RAD50: variants seen among roughly 807,000 people sequenced by gnomAD.
RAD50 encodes DNA repair protein RAD50.
Under a neutral mutation model 168.8 loss-of-function variants are expected in RAD50, and 132 were observed. The ratio of observed to expected loss-of-function variants is 0.78; its 90% CI spans 0.68 to 0.90. The LOEUF (loss-of-function observed/expected upper bound fraction) is 0.90. Among genes scored for constraint, RAD50 ranks in the 40% least tolerant of loss-of-function variants. The pLI is 0.00. For missense variants in RAD50, 1,347 were observed against 1,534.4 expected (o/e 0.88, Z 2.04); for synonymous variants, 525 against 497.4 (o/e 1.06, Z -0.74).
chr5:132,584,537 C>T (rs557675121), intron 5 of RAD50, among the ~76,000 whole-genome samples: 1 of 152,170 alleles, frequency 6.6e-6, no homozygotes, highest in South Asian at 2.1e-4. Flanking sequence ...GTCAGTGTGG[C>T]GATTCCTCAA....
chr5:132,571,912 T>C (rs892420782), intron 2 of RAD50, among the ~76,000 whole-genome samples: 3 of 152,318 alleles, frequency 2.0e-5, no homozygotes, highest in Admixed American at 1.3e-4. Context: ...AATAATGGTC[T>C]GTACTTTTCA....
rs113856355 is a variant in RAD50 at position 132,574,716 on chromosome 5, C to T, written c.214-1061C>T. ...ATCCCTTTAACAGCACCCAAGTCAC[C>T]GCTTGAATGCTTTACTGCTTAGAAA... is the stretch of plus-strand genomic sequence containing the variant. On this transcript the variant is annotated intron_variant, in intron 2 of 24. Transcript: ENST00000378823. 3.6e-3 allele frequency among the ~76,000 whole-genome samples: 551 copies of T among 152,148 alleles called. 5 individuals are homozygous for T. The highest frequency in any genetic ancestry group is 6.9e-3 in the African/African-American group (285 of 41,530).
Position 132,645,352 on chromosome 5 carries a change from C to G in RAD50, c.*2988C>G, listed in dbSNP as rs1009693270. The G allele has an allele frequency of 6.6e-6, 1 of 152,410 alleles. No homozygotes were observed. Among genetic ancestry groups the G allele is most frequent in the Admixed American group, 6.5e-5 (1 of 15,282 alleles). The allele number at this position is 152,410 out of a possible 1,614,324, so 9.4% of individuals were successfully genotyped here. On this transcript the variant is annotated 3_prime_UTR_variant, in exon 25 of 25. Transcript: ENST00000378823. ...CCACTGCATTGTACTCAAACTGTCC[C>G]GACAATCCCCAGCCCTACTGGAATC...
intron 2 of RAD50, among the ~76,000 whole-genome samples, chr5:132,568,690 G>A (rs1318245181): frequency 6.6e-6 from 1 of 152,196 alleles, no homozygotes; most frequent in East Asian, 1.9e-4. Context: ...CACCTTTAAG[G>A]TGCTAGGGAA....
At chr5:132,581,371 C>T (rs1231178606) in intron 5 of RAD50, among the ~76,000 whole-genome samples, 3 of 152,140 alleles carry the variant, frequency 2.0e-5, no homozygotes, top group Non-Finnish European at 4.4e-5. Flanking sequence ...CTGCCCGCCT[C>T]GGCCTCCCAA....
intron 19 of RAD50, 123 bp from the exon 20 acceptor site, chr5:132,615,880 C>G: frequency 1.0e-6 from 1 of 976,548 alleles, no homozygotes; most frequent in Non-Finnish European, 1.6e-6. Flanking sequence ...TATTCTCCCT[C>G]TGTTGAATTT....
chr5:132,642,363 A>G lies in RAD50; in HGVS notation c.3938A>G (p.Ter1313=). 6.2e-7 allele frequency: 1 copy of G among 1,611,832 alleles called. No homozygotes were observed. The change falls in exon 25 of 25, where the codon TAA becomes TGA. Residue 1313 remains the stop codon, a stop_retained_variant. Transcript: ENST00000378823. ...SVSSLGFNVH[*] ...AGCTCCCTGGGATTCAATGTTCATT[A>G]AAAATATCCAAGATTTAAATGCCAT...
intron 2 of RAD50, among the ~76,000 whole-genome samples, chr5:132,572,420 A>T (rs58760622): frequency 0.16 from 24,464 of 152,110 alleles, 2,297 homozygotes; most frequent in Non-Finnish European, 0.21. Context: ...GAGGACAATA[A>T]CCAAAAAACC....
At chr5:132,611,116 C>T (rs922130909) in intron 19 of RAD50, among the ~76,000 whole-genome samples, 8 of 152,174 alleles carry the variant, frequency 5.3e-5, no homozygotes, top group African/African-American at 7.2e-5. Flanking sequence ...GGAGGCCAGG[C>T]GCAGTGACTC....
At chr5:132,558,276 G>C (rs1432865193) in intron 1 of RAD50, among the ~76,000 whole-genome samples, 3 of 152,298 alleles carry the variant, frequency 2.0e-5, no homozygotes, top group Non-Finnish European at 1.5e-5. Flanking sequence ...CTAGCAGAAG[G>C]GAGAGTAGTA....
chr5:132,605,509 T>A (rs886376913), intron 16 of RAD50, among the ~76,000 whole-genome samples: 3 of 152,170 alleles, frequency 2.0e-5, no homozygotes, highest in Non-Finnish European at 4.4e-5. Context: ...CACGCCTGGC[T>A]AATTTTTAAA....
chr5:132,557,023 T>G lies in RAD50; in HGVS notation c.-302T>G. The G allele has an allele frequency of 1.4e-6, 1 of 692,362 alleles. No homozygotes were observed. Among genetic ancestry groups the G allele is most frequent in the Non-Finnish European group, 2.2e-6 (1 of 453,032 alleles). The allele number at this position is 692,362 out of a possible 1,614,324, so 42.9% of individuals were successfully genotyped here. On this transcript the variant is annotated 5_prime_UTR_variant, in exon 1 of 25. Transcript: ENST00000378823. Reference sequence around the variant, plus strand: ...AGGCAGGAAGCTGTGAGTGCGCGGTTGCGGGGTCGCATTGTGGCTACGGCT... The same window carrying G: ...AGGCAGGAAGCTGTGAGTGCGCGGTGGCGGGGTCGCATTGTGGCTACGGCT...
At chr5:132,600,125 C>G (rs938153201) in intron 13 of RAD50, 4 of 152,236 alleles carry the variant, frequency 2.6e-5, no homozygotes, top group Non-Finnish European at 5.9e-5. Flanking sequence ...TATAGGCAGT[C>G]TACTGGAGTG....
chr5:132,618,134 C>T lies in RAD50; in HGVS notation c.3229C>T (p.Arg1077Ter), dbSNP rs368980595. Residue 1077 changes from arginine (R) to a stop codon, truncating the protein, a stop_gained, in exon 21 of 25, where the codon CGA becomes TGA. Transcript: ENST00000378823. LOFTEE classifies it high-confidence loss of function. ...IKRNHNLALG[R>*]QKGYEEEIIH... ...AAGAAATCATAATTTGGCATTAGGG[C>T]GACAGAAAGGTTATGAAGAAGAAAT... is the stretch of plus-strand genomic sequence containing the variant. 1.7e-5 allele frequency: 27 copies of T among 1,613,450 alleles called. No homozygotes were observed. Among genetic ancestry groups the T allele is most frequent in the African/African-American group, 4.0e-5 (3 of 74,822 alleles).
chr5:132,621,986 C>T (rs1751293923), intron 21 of RAD50, among the ~76,000 whole-genome samples: 1 of 152,012 alleles, frequency 6.6e-6, no homozygotes, highest in Admixed American at 6.6e-5. Context: ...TTAGACATAA[C>T]CTCCTCTTTC....
chr5:132,591,074 A>G, intron 9 of RAD50, 150 bp from the exon 10 acceptor site: 1 of 748,690 alleles, frequency 1.3e-6, no homozygotes, highest in East Asian at 2.6e-5. Flanking sequence ...TAGAGCATAT[A>G]TAGTGCCTTA....
intron 16 of RAD50, among the ~76,000 whole-genome samples, chr5:132,607,488 G>A (rs184745823): frequency 3.8e-4 from 58 of 152,036 alleles, no homozygotes; most frequent in African/African-American, 1.0e-3. Flanking sequence ...ATAATTATGC[G>A]TACTCATTCA....
At chr5:132,625,276 C>T (rs1463063067) in intron 21 of RAD50, among the ~76,000 whole-genome samples, 2 of 151,648 alleles carry the variant, frequency 1.3e-5, no homozygotes, top group Admixed American at 6.6e-5. Flanking sequence ...TTAGTAGAGA[C>T]GGGGTTTCAC....
chr5:132,571,725 T>A (rs567335491), intron 2 of RAD50, among the ~76,000 whole-genome samples: 222 of 140,424 alleles, frequency 1.6e-3, no homozygotes, highest in African/African-American at 7.0e-3. Flanking sequence ...CTCAAAAAAA[T>A]AAATAAAGGG....
Sources: allele counts gnomAD v4.1 joint callset (sites outside exome capture counted in the v4.1 genomes callset), GRCh38; gene constraint gnomAD v4.1.1; transcripts MANE v1.5; gene names NCBI Gene and HGNC (gene_info 2026-07-23, HGNC 2026-07-21).